PHLDB2: variants seen among roughly 807,000 people sequenced by gnomAD.
The protein encoded by PHLDB2 is pleckstrin homology-like domain family B member 2.
In PHLDB2, 71 loss-of-function variants were observed where a neutral mutation model predicts 123.6. The ratio of observed to expected loss-of-function variants is 0.57; its 90% confidence interval spans 0.47 to 0.70. PHLDB2 has a LOEUF of 0.70. PHLDB2 is among the 30% of genes least tolerant of loss of function. The pLI is 0.00. For synonymous variants in PHLDB2, 547 were observed against 541.6 expected (o/e 1.01, Z -0.14); for missense variants, 1,446 against 1,519.5 (o/e 0.95, Z 0.80).
intron 1 of PHLDB2, among the ~76,000 whole-genome samples, chr3:111,806,065 T>C (rs1427437382): frequency 6.6e-6 from 1 of 152,116 alleles, no homozygotes; most frequent in Non-Finnish European, 1.5e-5. Flanking sequence ...GATTCAACAA[T>C]TCAAGTTATC....
At chr3:111,756,151 C>T (rs2059884909) in intron 1 of PHLDB2, among the ~76,000 whole-genome samples, 1 of 151,930 alleles carries the variant, frequency 6.6e-6, no homozygotes, top group Non-Finnish European at 1.5e-5. Flanking sequence ...GTGGAGAGTT[C>T]AGTAGATGTC....
chr3:111,837,020 C>T (rs2063441533), intron 1 of PHLDB2, among the ~76,000 whole-genome samples: 1 of 152,118 alleles, frequency 6.6e-6, no homozygotes, highest in Non-Finnish European at 1.5e-5. Flanking sequence ...GTCTGTAATA[C>T]CTGCTTCACC....
At position 111,885,233 on chromosome 3, in the gene PHLDB2, G is replaced by C. The variant is rs1402129027; in HGVS notation, c.1156G>C (p.Gly386Arg). ...TGCGACCAGGAGGAACTTCTCTTGT[G>C]GATCTGTGGAATTTGATGAGGCAGA... ...VFATRRNFSC[G>R]SVEFDEADLE... Residue 386 changes from glycine (G) to arginine (R), a missense_variant, in exon 2 of 18, where the codon GGA becomes CGA. Gly to Arg is a moderately radical substitution (Grantham distance 125). Around this residue, in one of 3 missense-constraint regions of PHLDB2, gnomAD observed 832 missense variants for 831.9 expected, o/e 1.00. Transcript: ENST00000431670. 6.2e-7 allele frequency: 1 copy of C among 1,614,030 alleles called. No individual in the cohort carries two copies. Among genetic ancestry groups the C allele is most frequent in the Non-Finnish European group, 8.5e-7 (1 of 1,180,038 alleles).
chr3:111,743,017 G>A (rs914455385), intron 1 of PHLDB2, among the ~76,000 whole-genome samples: 12 of 152,162 alleles, frequency 7.9e-5, no homozygotes, highest in Admixed American at 3.3e-4. Flanking sequence ...TGAACACAAA[G>A]CAGAAAAGTT....
intron 13 of PHLDB2, among the ~76,000 whole-genome samples, chr3:111,964,696 A>G (rs749426541): frequency 2.0e-5 from 3 of 152,164 alleles, no homozygotes; most frequent in Non-Finnish European, 4.4e-5. Context: ...CATGTTATAT[A>G]CCATAAATAT....
At chr3:111,930,464 C>T (rs549091526) in intron 5 of PHLDB2, among the ~76,000 whole-genome samples, 1 of 152,166 alleles carries the variant, frequency 6.6e-6, no homozygotes, top group African/African-American at 2.4e-5. Context: ...TTGCTGCAAA[C>T]TCTGGTGATG....
chr3:111,859,394 T>C lies in PHLDB2; in HGVS notation c.-197T>C. 1.0e-6 allele frequency: 1 copy of C among 985,684 alleles called. No individual in the cohort carries two copies. The highest frequency in any genetic ancestry group is 1.2e-6 in the Non-Finnish European group (1 of 830,132). The allele number at this position is 985,684 out of a possible 1,614,324, so 61.1% of individuals were successfully genotyped here. A position where few individuals can be genotyped will look rare whatever the true frequency, so the allele number is the denominator to read the frequency against. On this transcript the variant is annotated 5_prime_UTR_variant, in exon 1 of 18. Coordinates refer to ENST00000431670, the MANE Select transcript of PHLDB2 (RefSeq NM_001134438.2). ...GAGCGGGGCAGGTCACCAACTTCGT[T>C]GCTCGAACTCCCTGGGTGCCCGCCG...
At position 111,797,516 on chromosome 3, in the gene PHLDB2, T is replaced by C. The variant is rs2061211429; in HGVS notation, c.-48-48305T>C. On this transcript the variant is annotated intron_variant, in intron 1 of 17. Transcript: ENST00000393923. ...CCTTACTTGAAAGCAATTCAATCCA[T>C]GTGTAAGGATTCCGTAAGACAGTCT... is the stretch of plus-strand genomic sequence containing the variant. Among the ~76,000 whole-genome samples, 5 of 152,214 alleles carry C rather than the reference T, an allele frequency of 3.3e-5. No individual in the cohort carries two copies. The South Asian group carries it at 1.0e-3, about 31-fold the overall frequency.
At chr3:111,756,953 C>T (rs1349541977) in intron 1 of PHLDB2, among the ~76,000 whole-genome samples, 2 of 152,162 alleles carry the variant, frequency 1.3e-5, no homozygotes, top group African/African-American at 4.8e-5. Context: ...AAATTCTTTT[C>T]TTTAAGAATG....
chr3:111,777,494 C>G (rs1378087160), intron 1 of PHLDB2, among the ~76,000 whole-genome samples: 1 of 151,984 alleles, frequency 6.6e-6, no homozygotes, highest in East Asian at 1.9e-4. Flanking sequence ...ATATTTAGTA[C>G]AGCATCTTAA....
chr3:111,859,124 G>A, upstream of PHLDB2: 1 of 970,106 alleles, frequency 1.0e-6, no homozygotes, highest in Non-Finnish European at 1.2e-6. Context: ...CTTGCCCCGG[G>A]GCGAACTGTC....
rs1046456088 is a variant in PHLDB2, at chr3:111,780,369, A to G, written c.-49+47666A>G. 2.7e-3 allele frequency among the ~76,000 whole-genome samples: 101 copies of G among 38,112 alleles called. 3 individuals are homozygous for G. Among genetic ancestry groups the G allele is most frequent in the Middle Eastern group, 0.015 (1 of 66 alleles). 25.0% of individuals were successfully genotyped at this position (38,112 alleles called of 152,430 possible). On this transcript the variant is annotated intron_variant, in intron 1 of 17. Coordinates refer to the PHLDB2 transcript ENST00000393923. ...AAGAAGAAGAAGAAGAAGAAGAAGA[A>G]GAAGAAGAAGAAGAAGAAGAAGAAG...
chr3:111,824,877 G>C (rs764540264), intron 1 of PHLDB2, among the ~76,000 whole-genome samples: 7 of 152,168 alleles, frequency 4.6e-5, no homozygotes, highest in Non-Finnish European at 1.0e-4. Context: ...TTTAGTTATA[G>C]GTGCATGAAT....
At chr3:111,843,104 G>T (rs2063767556) in intron 1 of PHLDB2, among the ~76,000 whole-genome samples, 2 of 152,174 alleles carry the variant, frequency 1.3e-5, no homozygotes, top group South Asian at 4.2e-4. Context: ...TCATTTCTTT[G>T]GGGTATATAC....
chr3:111,765,538 T>C lies in PHLDB2; in HGVS notation c.-49+32835T>C, dbSNP rs111447777. On this transcript the variant is annotated intron_variant, in intron 1 of 17. Coordinates refer to the PHLDB2 transcript ENST00000393923. ...CCAGGAAAGATAATCGATCCAAAAATCACTTACATTTTTAGCTGACTTAAA... is the reference window on the plus strand; with the variant it reads ...CCAGGAAAGATAATCGATCCAAAAACCACTTACATTTTTAGCTGACTTAAA... Among the ~76,000 whole-genome samples, 1,482 of 152,278 alleles carry C rather than the reference T, an allele frequency of 9.7e-3. 17 individuals are homozygous for C. The highest frequency in any genetic ancestry group is 0.033 in the African/African-American group (1,359 of 41,546).
rs9826298 is a variant in PHLDB2 at position 111,766,939 on chromosome 3, G to A, written c.-49+34236G>A. Among the ~76,000 whole-genome samples the A allele has an allele frequency of 2.9e-3, 433 of 147,534 alleles. 2 individuals carry two copies. Among genetic ancestry groups the A allele is most frequent in the African/African-American group, 0.01 (409 of 40,032 alleles). On this transcript the variant is annotated intron_variant, in intron 1 of 17. Transcript: ENST00000393923. ...CCAGCTACTTGGGAGGCTGAGGCAG[G>A]AGAATCGCTGGAACGTGAGACGCAG...
At chr3:111,859,864 A>T in intron 1 of PHLDB2, 1 of 985,554 alleles carries the variant, frequency 1.0e-6, no homozygotes, top group Non-Finnish European at 1.2e-6. Context: ...GGCGGTTTGG[A>T]GGAAAGATGA....
chr3:111,798,578 T>G (rs1410212742), intron 1 of PHLDB2, among the ~76,000 whole-genome samples: 1 of 151,996 alleles, frequency 6.6e-6, no homozygotes. Context: ...TTTGGGAGGC[T>G]GAGGCAGGAG....
intron 1 of PHLDB2, among the ~76,000 whole-genome samples, chr3:111,789,722 T>G (rs1236317910): frequency 6.6e-6 from 1 of 151,274 alleles, no homozygotes; most frequent in Non-Finnish European, 1.5e-5. Context: ...GCTTAGTTCA[T>G]ATGGTGTCTA....
Sources: allele counts gnomAD v4.1 joint callset (sites outside exome capture counted in the v4.1 genomes callset), GRCh38; gene constraint gnomAD v4.1.1; regional missense constraint gnomAD v4.1.1; transcripts MANE v1.5; gene names NCBI Gene and HGNC (gene_info 2026-07-23, HGNC 2026-07-21).